TSHZ2: variants seen among roughly 807,000 people sequenced by gnomAD.
TSHZ2 encodes teashirt zinc finger homeobox 2, also known as teashirt homolog 2.
In TSHZ2, 21 loss-of-function variants were observed where a neutral mutation model predicts 74.4. The observed-to-expected ratio is 0.28, with a 90% CI of 0.20 to 0.41. The LOEUF is 0.41. Among genes scored for constraint, TSHZ2 ranks in the 10% least tolerant of loss-of-function variants. The probability of loss-of-function intolerance (pLI) is 1.00; values close to 1 mark genes in which losing one functional copy is unlikely to be tolerated. For synonymous variants in TSHZ2, 540 were observed against 515.3 expected (o/e 1.05, Z -0.65); for missense variants, 1,244 against 1,293.5 (o/e 0.96, Z 0.59).
intron 2 of TSHZ2, among the ~76,000 whole-genome samples, chr20:53,448,642 C>T (rs1984653103): frequency 1.3e-5 from 2 of 152,094 alleles, no homozygotes; most frequent in African/African-American, 2.4e-5. Flanking sequence ...ACTTTGATCA[C>T]GTGGTTAAGG....
At chr20:53,361,882 TTTGTTG>T (rs1032804206) in intron 2 of TSHZ2, among the ~76,000 whole-genome samples, 1 of 150,192 alleles carries the variant, frequency 6.7e-6, no homozygotes, top group Non-Finnish European at 1.5e-5. Flanking sequence ...TTGGTTTTCT[TTTGTTG>T]TTGTTGTTGT....
intron 1 of TSHZ2, among the ~76,000 whole-genome samples, chr20:53,156,783 G>A (rs573427616): frequency 6.6e-6 from 1 of 151,920 alleles, no homozygotes; most frequent in Non-Finnish European, 1.5e-5. Context: ...TTTTTTTTCT[G>A]GCCTACTTCA....
In TSHZ2 at chr20:53,489,177, G is replaced by A. The variant is rs1460338937; in HGVS notation, c.*2042G>A. ...GATTTACTCATGGGCATAGGGAATA[G>A]CGGCTCAAATGTAGTTCTGACATGA... On this transcript the variant is annotated 3_prime_UTR_variant, in exon 3 of 3. Transcript: ENST00000371497. The A allele has an allele frequency of 4.4e-6, 2 of 456,176 alleles. No individual in the cohort carries two copies. Among genetic ancestry groups the A allele is most frequent in the African/African-American group, 2.0e-5 (1 of 50,082 alleles). 28.3% of individuals were successfully genotyped at this position (456,176 alleles called of 1,614,324 possible).
chr20:53,085,538 G>A (rs1985673068), intron 1 of TSHZ2, among the ~76,000 whole-genome samples: 2 of 152,136 alleles, frequency 1.3e-5, no homozygotes, highest in South Asian at 4.1e-4. Flanking sequence ...GACAAACTCA[G>A]GTGTTCAATG....
intron 2 of TSHZ2, among the ~76,000 whole-genome samples, chr20:53,408,139 A>G (rs1419976883): frequency 2.0e-5 from 3 of 151,508 alleles, no homozygotes; most frequent in Non-Finnish European, 4.4e-5. Flanking sequence ...CTGTGTCTGG[A>G]CTCCCCCTGA....
intron 1 of TSHZ2, among the ~76,000 whole-genome samples, chr20:53,088,583 C>T (rs1467119149): frequency 6.6e-6 from 1 of 152,130 alleles, no homozygotes; most frequent in Admixed American, 6.5e-5. Flanking sequence ...GAAAAATTTA[C>T]CCCGTGCAAA....
At chr20:53,208,824 A>T (rs1600742411) in intron 1 of TSHZ2, 1 of 152,158 alleles carries the variant, frequency 6.6e-6, no homozygotes, top group East Asian at 1.9e-4. Flanking sequence ...TGTTTGTTTT[A>T]TTTCCTTATG....
chr20:53,215,123 T>TA (rs1989405166), intron 1 of TSHZ2, among the ~76,000 whole-genome samples: 1 of 152,150 alleles, frequency 6.6e-6, no homozygotes, highest in African/African-American at 2.4e-5. Context: ...GAGTTTTTTT[T>TA]AAAGATTATC....
At chr20:52,983,416 T>C (rs1285356830) in intron 1 of TSHZ2, among the ~76,000 whole-genome samples, 1 of 152,240 alleles carries the variant, frequency 6.6e-6, no homozygotes, top group Non-Finnish European at 1.5e-5. Context: ...GAGAGAAATC[T>C]AGGCACCTGA....
chr20:53,196,820 A>G (rs1484491036), intron 1 of TSHZ2, among the ~76,000 whole-genome samples: 1 of 152,252 alleles, frequency 6.6e-6, no homozygotes, highest in African/African-American at 2.4e-5. Context: ...TTGGTGAGGC[A>G]TATTTGCCAG....
chr20:53,032,914 G>A (rs1765083033), intron 1 of TSHZ2, among the ~76,000 whole-genome samples: 1 of 152,108 alleles, frequency 6.6e-6, no homozygotes, highest in Admixed American at 6.5e-5. Flanking sequence ...GCCTTGCTCT[G>A]TGAAATGTAG....
At chr20:53,048,314 G>A (rs1180273387) in intron 1 of TSHZ2, among the ~76,000 whole-genome samples, 36 of 151,312 alleles carry the variant, frequency 2.4e-4, no homozygotes, top group Non-Finnish European at 2.9e-5. Flanking sequence ...GGGGAGGAGA[G>A]AGAGAGAGAG....
chr20:52,976,900 A>G (rs1385510010), intron 1 of TSHZ2, among the ~76,000 whole-genome samples: 1 of 152,212 alleles, frequency 6.6e-6, no homozygotes, highest in African/African-American at 2.4e-5. Flanking sequence ...GAGTCTTGCA[A>G]GAAAGAACAG....
intron 2 of TSHZ2, among the ~76,000 whole-genome samples, chr20:53,350,692 T>G (rs961430294): frequency 5.9e-5 from 9 of 152,220 alleles, no homozygotes; most frequent in African/African-American, 2.2e-4. Flanking sequence ...CCCAGCACCT[T>G]ACAGGATTGA....
At position 53,019,278 on chromosome 20, in the gene TSHZ2, C is replaced by A. The variant is rs532365148; in HGVS notation, c.40+45945C>A. Among the ~76,000 whole-genome samples, 194 of 150,884 alleles carry A rather than the reference C, an allele frequency of 1.3e-3. 1 individual carries two copies. The highest frequency in any genetic ancestry group is 4.5e-3 in the African/African-American group (183 of 41,040). On this transcript the variant is annotated intron_variant, in intron 1 of 2. Coordinates refer to ENST00000371497, the MANE Select transcript of TSHZ2 (RefSeq NM_173485.6). The stretch of plus-strand genomic sequence containing the variant: ...TTTTTTTTTCTTTTAAAGGAGACTT[C>A]ATTTAAATTTCAGGGTATTTTATAT...
intron 1 of TSHZ2, among the ~76,000 whole-genome samples, chr20:52,998,852 G>A (rs558905066): frequency 2.4e-4 from 36 of 152,222 alleles, no homozygotes; most frequent in African/African-American, 8.7e-4. Flanking sequence ...CGTATTGCTG[G>A]CTACTTAGTT....
intron 2 of TSHZ2, among the ~76,000 whole-genome samples, chr20:53,452,116 A>T (rs1408277404): frequency 1.3e-5 from 2 of 152,226 alleles, no homozygotes; most frequent in East Asian, 3.8e-4. Flanking sequence ...AATGAAGGGG[A>T]CAGGAGCAGC....
rs1262420451 is a variant in TSHZ2 at position 53,468,707 on chromosome 20, A to G, written c.*9-18437A>G. On this transcript the variant is annotated intron_variant, in intron 2 of 2. Coordinates refer to ENST00000371497, the MANE Select transcript of TSHZ2 (RefSeq NM_173485.6). ...ACGAGACAAAAAAAAAAAAAAAAAAAAACTAAAAAAACTCTCCTCCAACTT... is the reference window on the plus strand; with the variant it reads ...ACGAGACAAAAAAAAAAAAAAAAAAGAACTAAAAAAACTCTCCTCCAACTT... 2.7e-5 allele frequency among the ~76,000 whole-genome samples: 4 copies of G among 150,912 alleles called. No homozygotes were observed. In the East Asian group the frequency reaches 5.8e-4, roughly 22 times the overall value.
chr20:53,188,623 G>T (rs1377326525), intron 1 of TSHZ2, among the ~76,000 whole-genome samples: 1 of 152,164 alleles, frequency 6.6e-6, no homozygotes, highest in Non-Finnish European at 1.5e-5. Context: ...AGGATTTGGT[G>T]CTAGTCCATA....
Sources: gnomAD v4.1 joint callset for allele counts (sites outside exome capture counted in the v4.1 genomes callset) on GRCh38, gnomAD v4.1.1 for gene constraint, MANE v1.5 for transcripts, NCBI Gene and HGNC (gene_info 2026-07-23, HGNC 2026-07-21) for gene names.